OR51M1: variants seen among roughly 807,000 people sequenced by gnomAD.
OR51M1 encodes the protein olfactory receptor 51M1.
For synonymous variants in OR51M1, 199 were observed against 155.1 expected, an observed-to-expected ratio of 1.28 and a Z score of -2.10; for missense variants, 509 against 404.4, an observed-to-expected ratio of 1.26 and a Z score of -2.22.
intron 2 of OR51M1, 102 bp downstream of exon 2, chr11:5,385,560 TA>T (rs1849675969): frequency 6.6e-6 from 1 of 152,138 alleles, no homozygotes; most frequent in African/African-American, 2.4e-5. Context: ...CAGGGGCCTT[TA>T]GAGAATTCCA....
rs369050089 is a variant in OR51M1 at position 5,390,582 on chromosome 11, A to T, written c.*203A>T. 19 of 526,616 alleles carry T rather than the reference A, an allele frequency of 3.6e-5. No individual in the cohort carries two copies. The African/African-American group carries it at 3.6e-4, about 10-fold the overall frequency. The allele number at this position is 526,616 out of a possible 1,614,324, so 32.6% of individuals were successfully genotyped here. ...ATTTTAATGGCTCCTCCTACAGCTG[A>T]GAACTGGCATTTTTGGTAGCATCAA... On this transcript the variant is annotated 3_prime_UTR_variant, in exon 3 of 3. Coordinates refer to ENST00000642046, the MANE Select transcript of OR51M1 (RefSeq NM_001004756.3).
At position 5,390,272 on chromosome 11, in the gene OR51M1, T is replaced by C. The variant is rs374473473; in HGVS notation, c.874T>C (p.Tyr292His). The stretch of plus-strand genomic sequence containing the variant: ...TATTCATCTTCTTATGGCCAATGTC[T>C]ACCTTTTTGTGCCTCCCATGCTTAA... ...PAIHLLMANV[Y>H]LFVPPMLNPI... The change falls in exon 3 of 3, where the codon TAC becomes CAC. Residue 292 changes from tyrosine (Y) to histidine (H), a missense_variant. Coordinates refer to ENST00000642046, the MANE Select transcript of OR51M1 (RefSeq NM_001004756.3). 1 of 1,613,922 alleles carries C rather than the reference T, an allele frequency of 6.2e-7. No homozygotes were observed. The highest frequency in any genetic ancestry group is 1.3e-5 in the African/African-American group (1 of 74,948).
chr11:5,386,292 A>G (rs11037149), intron 2 of OR51M1, among the ~76,000 whole-genome samples: 27,495 of 152,004 alleles, frequency 0.18, 2,632 homozygotes, highest in African/African-American at 0.25. Flanking sequence ...AACAAGAAGG[A>G]CCGGGCTAAA....
At chr11:5,389,231 C>T in intron 2 of OR51M1, 153 bp from the exon 3 acceptor site, 1 of 703,292 alleles carries the variant, frequency 1.4e-6, no homozygotes. Flanking sequence ...GCGAGGTTAT[C>T]AAAGAAAGTT....
At position 5,392,666 on chromosome 11, in the gene OR51M1, A is replaced by G. The variant is rs1222055951; in HGVS notation, c.*2287A>G. On this transcript the variant is annotated 3_prime_UTR_variant, in exon 3 of 3. Transcript: ENST00000642046. ...GGTGGCTCACGCCTGTAATCCCAGC[A>G]CTCTGGGAGGCCGAGGCGGGTGGAT... 6.6e-6 allele frequency: 1 copy of G among 152,246 alleles called. No homozygotes were observed. Among genetic ancestry groups the G allele is most frequent in the Non-Finnish European group, 1.5e-5 (1 of 68,066 alleles). 9.4% of individuals were successfully genotyped at this position (152,246 alleles called of 1,614,324 possible).
Position 5,390,401 on chromosome 11 carries a change from C to G in OR51M1, c.*22C>G, listed in dbSNP as rs764001992. On this transcript the variant is annotated 3_prime_UTR_variant, in exon 3 of 3. Transcript: ENST00000642046. ...ATGAGTCCTGGGGCTAAAACTCCCC[C>G]TAGAGGCCTATAAGAAGGCCCCAAA... is the stretch of plus-strand genomic sequence containing the variant. 1 of 1,542,234 alleles carries G rather than the reference C, an allele frequency of 6.5e-7. No homozygotes were observed. The highest frequency in any genetic ancestry group is 2.0e-5 in the Admixed American group (1 of 49,826).
At chr11:5,388,938 T>A (rs989199405) in intron 2 of OR51M1, among the ~76,000 whole-genome samples, 4 of 152,150 alleles carry the variant, frequency 2.6e-5, no homozygotes, top group Non-Finnish European at 5.9e-5. Context: ...AAACATGACA[T>A]TTGACTTGAG....
chr11:5,389,684 A>G lies in OR51M1; in HGVS notation c.286A>G (p.Ile96Val). ...GTCCACGTTGCCCACCACTATGGGG[A>G]TCTTCTGGTTTAACTCCCATAGTAT... ...CVSTLPTTMG[I>V]FWFNSHSIYF... The change falls in exon 3 of 3, where the codon ATC (isoleucine) becomes GTC (valine). Residue 96 changes from isoleucine to valine, a missense_variant. Coordinates refer to ENST00000642046, the MANE Select transcript of OR51M1 (RefSeq NM_001004756.3). 3 of 1,613,640 alleles carry G rather than the reference A, an allele frequency of 1.9e-6. No individual in the cohort carries two copies. The highest frequency in any genetic ancestry group is 2.5e-6 in the Non-Finnish European group (3 of 1,179,862).
chr11:5,390,717 A>C lies in OR51M1; in HGVS notation c.*338A>C. 5.0e-6 allele frequency: 1 copy of C among 201,412 alleles called. No individual in the cohort carries two copies. Among genetic ancestry groups the C allele is most frequent in the Non-Finnish European group, 1.0e-5 (1 of 98,844 alleles). 12.5% of individuals were successfully genotyped at this position (201,412 alleles called of 1,614,324 possible). On this transcript the variant is annotated 3_prime_UTR_variant, in exon 3 of 3. Coordinates refer to ENST00000642046, the MANE Select transcript of OR51M1 (RefSeq NM_001004756.3). ...ATAAATACCAGAGCACCCAGAGGAGAGCCTGGCAGAGACCAGGTAAATGCC... is the reference window on the plus strand; with the variant it reads ...ATAAATACCAGAGCACCCAGAGGAGCGCCTGGCAGAGACCAGGTAAATGCC...
At chr11:5,387,795 T>TA in intron 2 of OR51M1, among the ~76,000 whole-genome samples, 1 of 152,214 alleles carries the variant, frequency 6.6e-6, no homozygotes, top group South Asian at 2.1e-4. Context: ...TAAAATTACC[T>TA]ACTCAGAGAG....
At position 5,390,604 on chromosome 11, in the gene OR51M1, T is replaced by A. The variant is rs1464207555; in HGVS notation, c.*225T>A. The A allele has an allele frequency of 8.1e-6, 4 of 493,502 alleles. No homozygotes were observed. Among genetic ancestry groups the A allele is most frequent in the African/African-American group, 3.9e-5 (2 of 51,848 alleles). The allele number at this position is 493,502 out of a possible 1,614,324, so 30.6% of individuals were successfully genotyped here. A position where few individuals can be genotyped will look rare whatever the true frequency, so the allele number is the denominator to read the frequency against. ...CTGAGAACTGGCATTTTTGGTAGCA[T>A]CAAAGCTATCCAGAAGGCAACTTTA... is the stretch of plus-strand genomic sequence containing the variant. On this transcript the variant is annotated 3_prime_UTR_variant, in exon 3 of 3. Transcript: ENST00000642046.
intron 2 of OR51M1, among the ~76,000 whole-genome samples, chr11:5,387,673 A>C (rs1391021388): frequency 6.6e-6 from 1 of 152,096 alleles, no homozygotes; most frequent in Non-Finnish European, 1.5e-5. Context: ...TTTGTCTTTT[A>C]AACTTGTCAA....
chr11:5,385,798 A>G (rs930100636), intron 2 of OR51M1, among the ~76,000 whole-genome samples: 18 of 142,362 alleles, frequency 1.3e-4, no homozygotes, highest in African/African-American at 4.5e-4. Flanking sequence ...CTATACTTAT[A>G]TATAAAAAAT....
intron 2 of OR51M1, among the ~76,000 whole-genome samples, chr11:5,386,786 A>G (rs1417868605): frequency 6.6e-6 from 1 of 152,138 alleles, no homozygotes; most frequent in Non-Finnish European, 1.5e-5. Context: ...GATAGATTAA[A>G]AGAACTTAGT....
Position 5,389,493 on chromosome 11 carries a change from T to C in OR51M1, c.95T>C (p.Leu32Ser). The C allele has an allele frequency of 6.2e-7, 1 of 1,614,038 alleles. No homozygotes were observed. Among genetic ancestry groups the C allele is most frequent in the Non-Finnish European group, 8.5e-7 (1 of 1,179,870 alleles). ...TTCTATCTCACCAGCTTTCCTGGAT[T>C]GGAAGGCATCAAACACTGGATTTTC... ...PIFYLTSFPG[L>S]EGIKHWIFIP... The change falls in exon 3 of 3, where the codon TTG becomes TCG. Residue 32 changes from leucine to serine, a missense_variant. Leu to Ser is a moderately radical substitution (Grantham distance 145). Transcript: ENST00000642046.
intron 2 of OR51M1, among the ~76,000 whole-genome samples, chr11:5,388,026 C>A (rs1428385833): frequency 6.6e-6 from 1 of 151,802 alleles, no homozygotes; most frequent in Non-Finnish European, 1.5e-5. Flanking sequence ...TACTTTTGCA[C>A]CAACCTAATA....
In OR51M1 at chr11:5,392,317, A is replaced by G. The variant is rs2340323; in HGVS notation, c.*1938A>G. 19,369 of 152,224 alleles carry G rather than the reference A, an allele frequency of 0.13. 1,354 individuals carry two copies. The highest frequency in any genetic ancestry group is 0.16 in the Non-Finnish European group (10,754 of 68,002). The allele number at this position is 152,224 out of a possible 1,614,324, so 9.4% of individuals were successfully genotyped here. A position where few individuals can be genotyped will look rare whatever the true frequency, so the allele number is the denominator to read the frequency against. On this transcript the variant is annotated 3_prime_UTR_variant, in exon 3 of 3. Coordinates refer to ENST00000642046, the MANE Select transcript of OR51M1 (RefSeq NM_001004756.3). The stretch of plus-strand genomic sequence containing the variant: ...AATTTACATCCACATAGTAGGCCAC[A>G]TTACTCAATAGCAGTTCCGAGACTT...
intron 2 of OR51M1, among the ~76,000 whole-genome samples, chr11:5,386,294 C>T (rs557909371): frequency 7.9e-5 from 12 of 152,152 alleles, no homozygotes; most frequent in African/African-American, 1.7e-4. Context: ...CAAGAAGGAC[C>T]GGGCTAAAGA....
chr11:5,388,539 C>A (rs1849737638), intron 2 of OR51M1, among the ~76,000 whole-genome samples: 1 of 144,120 alleles, frequency 6.9e-6, no homozygotes. Flanking sequence ...AAATGTTTAC[C>A]TATGAGCAAG....
Sources: gnomAD v4.1 joint callset for allele counts (sites outside exome capture counted in the v4.1 genomes callset) on GRCh38, gnomAD v4.1.1 for gene constraint, MANE v1.5 for transcripts, NCBI Gene and HGNC (gene_info 2026-07-23, HGNC 2026-07-21) for gene names.